The following WDR37 variants were observed in gnomAD, a reference collection of about 807,000 sequenced individuals.
WDR37 encodes WD repeat domain 37, also known as WD repeat-containing protein 37.
A neutral mutation model predicts 62.9 loss-of-function variants in WDR37; 19 were observed. The ratio of observed to expected loss-of-function variants is 0.30; its 90% CI spans 0.21 to 0.44. The LOEUF (loss-of-function observed/expected upper bound fraction) is 0.44, where lower values mean the gene tolerates loss of function less well. Ranked by LOEUF, WDR37 falls within the 20% of genes least tolerant of loss-of-function variation. The pLI is 1.00. For synonymous variants in WDR37, 250 were observed against 260.9 expected (o/e 0.96, Z 0.40); for missense variants, 474 against 657.6 (o/e 0.72, Z 3.05).
At chr10:1,059,143 A>G (rs1356777150) in intron 1 of WDR37, among the ~76,000 whole-genome samples, 1 of 148,562 alleles carries the variant, frequency 6.7e-6, no homozygotes, top group African/African-American at 2.5e-5. Context: ...TGGGAAGCCG[A>G]GGTGGGCAGA....
At chr10:1,091,517 G>A (rs1162626983) in intron 7 of WDR37, among the ~76,000 whole-genome samples, 4 of 152,188 alleles carry the variant, frequency 2.6e-5, no homozygotes, top group Non-Finnish European at 5.9e-5. Flanking sequence ...ATTTTGTTAA[G>A]GAGATAACCT....
chr10:1,086,067 C>T (rs767410079), intron 6 of WDR37, among the ~76,000 whole-genome samples: 2 of 152,192 alleles, frequency 1.3e-5, no homozygotes, highest in African/African-American at 4.8e-5. Context: ...TCTGGTTGTC[C>T]GTTAGCTGAC....
intron 13 of WDR37, among the ~76,000 whole-genome samples, chr10:1,128,323 C>T (rs1361656576): frequency 6.6e-6 from 1 of 152,234 alleles, no homozygotes; most frequent in Non-Finnish European, 1.5e-5. Flanking sequence ...CAGATGGGTG[C>T]TAAGGCACTG....
chr10:1,104,700 G>A (rs1317565806), intron 10 of WDR37, among the ~76,000 whole-genome samples: 2 of 152,216 alleles, frequency 1.3e-5, no homozygotes, highest in Admixed American at 6.5e-5. Context: ...GCCATCTTGG[G>A]ATGCTGCCTG....
chr10:1,096,897 C>T (rs573565345), intron 9 of WDR37, among the ~76,000 whole-genome samples: 7 of 152,304 alleles, frequency 4.6e-5, no homozygotes, highest in African/African-American at 1.7e-4. Context: ...GAGAAAGCTT[C>T]TAGCATCTCA....
intron 1 of WDR37, among the ~76,000 whole-genome samples, chr10:1,060,651 A>C (rs922769102): frequency 1.3e-5 from 2 of 152,176 alleles, no homozygotes; most frequent in African/African-American, 4.8e-5. Flanking sequence ...TGGAGTGAAG[A>C]AGTTTGTTTT....
At chr10:1,129,025 GGTGGTCCATGATCT>G (rs1835894848) in intron 13 of WDR37, among the ~76,000 whole-genome samples, 174 bp from the exon 14 acceptor site, 1 of 150,974 alleles carries the variant, frequency 6.6e-6, no homozygotes, top group East Asian at 1.9e-4. Flanking sequence ...GCCCATGCAC[GGTGGTCCATGATCT>G]GTGGTCCATG....
At chr10:1,112,345 C>T (rs1471952348) in intron 11 of WDR37, among the ~76,000 whole-genome samples, 1 of 152,212 alleles carries the variant, frequency 6.6e-6, no homozygotes, top group Non-Finnish European at 1.5e-5. Flanking sequence ...GTCGATAAAT[C>T]GTGTGTGTTC....
At chr10:1,119,065 G>C (rs546330446) in intron 11 of WDR37, among the ~76,000 whole-genome samples, 1 of 152,320 alleles carries the variant, frequency 6.6e-6, no homozygotes, top group African/African-American at 2.4e-5. Context: ...GTGCATCGGC[G>C]TTAGGAATTT....
intron 8 of WDR37, 85 bp downstream of exon 8, chr10:1,093,581 A>C (rs1564504642): frequency 8.9e-7 from 1 of 1,121,796 alleles, no homozygotes; most frequent in South Asian, 1.4e-5. Context: ...GTAGCAGAAT[A>C]ATCCATGGCT....
intron 13 of WDR37, among the ~76,000 whole-genome samples, chr10:1,126,229 C>T (rs762471991): frequency 2.6e-5 from 4 of 152,034 alleles, no homozygotes; most frequent in Non-Finnish European, 5.9e-5. Flanking sequence ...CACGGTGAAA[C>T]CCTGTCTCTA....
intron 11 of WDR37, among the ~76,000 whole-genome samples, chr10:1,120,128 T>G (rs1564512812): frequency 6.6e-6 from 1 of 152,242 alleles, no homozygotes; most frequent in African/African-American, 2.4e-5. Context: ...TCCTCTGAGT[T>G]CGTCAAATGA....
Position 1,105,341 on chromosome 10 carries a change from T to C in WDR37, c.1103+74T>C. On this transcript the variant is annotated intron_variant, in intron 11 of 13. Transcript: ENST00000263150. The surrounding 1 kb of genome is among the most constrained non-coding windows in gnomAD (Gnocchi z 5.3). Reference sequence around the variant, plus strand: ...GTGGGTTGACATGAAAACTTAATTCTAGCCTTAATTTTCAGTATTTCCGAC... The same window carrying C: ...GTGGGTTGACATGAAAACTTAATTCCAGCCTTAATTTTCAGTATTTCCGAC... The C allele has an allele frequency of 6.6e-7, 1 of 1,512,842 alleles. No homozygotes were observed. The highest frequency in any genetic ancestry group is 1.2e-5 in the South Asian group (1 of 82,588). The allele number at this position is 1,512,842 out of a possible 1,614,324, so 93.7% of individuals were successfully genotyped here.
In WDR37 at chr10:1,080,017, G is replaced by A; in HGVS notation, c.242G>A (p.Arg81Lys). The A allele has an allele frequency of 6.2e-7, 1 of 1,613,928 alleles. No individual in the cohort carries two copies. The highest frequency in any genetic ancestry group is 8.5e-7 in the Non-Finnish European group (1 of 1,179,936). ...AAAACTTTTTTCTTCCCAGTACGTA[G>A]AGAAATCGACACTCTTAATGAACGT... ...NLYIENLELRREIDTLNERLA... is the reference protein window; with the variant it reads ...NLYIENLELRKEIDTLNERLA... Residue 81 changes from arginine (R) to lysine (K), a missense_variant, in exon 4 of 14, where the codon AGA becomes AAA. By Grantham distance (26) the Arg-to-Lys change is conservative. Transcript: ENST00000263150.
At chr10:1,062,201 T>C (rs1420265834) in intron 1 of WDR37, among the ~76,000 whole-genome samples, 1 of 152,206 alleles carries the variant, frequency 6.6e-6, no homozygotes, top group Non-Finnish European at 1.5e-5. Context: ...AGGAAATGCA[T>C]ACATTTGGTT....
intron 13 of WDR37, among the ~76,000 whole-genome samples, chr10:1,126,268 T>G (rs371089630): frequency 2.0e-5 from 3 of 151,664 alleles, no homozygotes; most frequent in Non-Finnish European, 4.4e-5. Flanking sequence ...CAGCCAGGCG[T>G]GGTGGCGGGC....
At chr10:1,101,582 C>A (rs78874545) in intron 9 of WDR37, among the ~76,000 whole-genome samples, 2,101 of 152,314 alleles carry the variant, frequency 0.014, 50 homozygotes, top group African/African-American at 0.047. Flanking sequence ...TTCCACTGTT[C>A]CCTCCGCAGT....
At chr10:1,074,901 G>A (rs935878972) in intron 2 of WDR37, among the ~76,000 whole-genome samples, 2 of 152,280 alleles carry the variant, frequency 1.3e-5, no homozygotes, top group Admixed American at 6.5e-5. Flanking sequence ...CGACGTCCAC[G>A]TGCACACAGT....
chr10:1,084,571 A>G (rs1475455199), intron 6 of WDR37, 33 bp downstream of exon 6: 23 of 1,603,284 alleles, frequency 1.4e-5, no homozygotes, highest in Non-Finnish European at 2.0e-5. Flanking sequence ...CAGCCTGCGG[A>G]AGCATGGCTG....
Sources: allele counts gnomAD v4.1 joint callset (sites outside exome capture counted in the v4.1 genomes callset), GRCh38; gene constraint gnomAD v4.1.1; non-coding constraint Gnocchi (gnomAD v3.1); transcripts MANE v1.5; gene names NCBI Gene and HGNC (gene_info 2026-07-23, HGNC 2026-07-21).